ITGA4: variants seen among roughly 807,000 people sequenced by gnomAD.
ITGA4 encodes the protein integrin alpha-4.
In ITGA4, 63 loss-of-function variants were observed where a neutral mutation model predicts 133.6. The observed-to-expected ratio is 0.47, with a 90% CI of 0.38 to 0.58. The LOEUF is 0.58. ITGA4 is among the 20% of genes least tolerant of loss of function. The probability of loss-of-function intolerance (pLI) is 0.00; values close to 1 mark genes in which losing one functional copy is unlikely to be tolerated. For synonymous variants in ITGA4, 483 were observed against 438.0 expected (o/e 1.10, Z -1.28); for missense variants, 1,076 against 1,252.7 (o/e 0.86, Z 2.13).
At position 181,457,676 on chromosome 2, in the gene ITGA4, G is replaced by C; in HGVS notation, c.22G>C (p.Glu8Gln). MAWEARR[E>Q]PGPRRAAVRE... ...GCGCATGGCTTGGGAAGCGAGGCGC[G>C]AACCCGGCCCCCGAAGGGCCGCCGT... Residue 8 changes from glutamate to glutamine, a missense_variant, in exon 1 of 28, where the codon GAA (glutamate) becomes CAA (glutamine). Transcript: ENST00000397033. The C allele has an allele frequency of 6.2e-7, 1 of 1,610,636 alleles. No individual in the cohort carries two copies. The highest frequency in any genetic ancestry group is 8.5e-7 in the Non-Finnish European group (1 of 1,179,332).
At chr2:181,496,360 G>C (rs1392921373) in intron 14 of ITGA4, among the ~76,000 whole-genome samples, 1 of 152,056 alleles carries the variant, frequency 6.6e-6, no homozygotes, top group Admixed American at 6.5e-5. Flanking sequence ...AGGAGGTCCA[G>C]GCTACAGCAA....
Position 181,475,504 on chromosome 2 carries a change from ACT to A in ITGA4, c.556+219_556+220del, listed in dbSNP as rs1685655003. On this transcript the variant is annotated intron_variant, in intron 4 of 27. Coordinates refer to ENST00000397033, the MANE Select transcript of ITGA4 (RefSeq NM_000885.6). ...CTATAAAAATTCTACAATTTGAATA[ACT>A]CTGAAATCTAGCTCTTTAACTACCC... Among the ~76,000 whole-genome samples, 5 of 152,250 alleles carry A rather than the reference ACT, an allele frequency of 3.3e-5. No homozygotes were observed. The South Asian group carries it at 8.3e-4, about 25-fold the overall frequency.
In ITGA4 at chr2:181,498,627, G is replaced by C. The variant is rs758995083; in HGVS notation, c.1545G>C (p.Leu515Phe). ...KGKEVPGYIV[L>F]FYNMSLDVNR... is the part of the protein sequence containing the mutation. ...CAATTCTCTATATTTTTGCAGTTTT[G>C]TTTTATAACATGAGTTTGGATGTGA... The change falls in exon 15 of 28, where the codon TTG becomes TTC. Residue 515 changes from leucine to phenylalanine, a missense_variant. Leu to Phe is a conservative substitution (Grantham distance 22). This residue lies in a region of ITGA4 where 436 missense variants were observed against 590.7 expected (regional missense o/e 0.74). Transcript: ENST00000397033. 2.5e-6 allele frequency: 4 copies of C among 1,595,742 alleles called. No individual in the cohort carries two copies. The African/African-American group carries it at 5.4e-5, about 22-fold the overall frequency.
rs1356718456 is a variant in ITGA4 at position 181,485,964 on chromosome 2, T to G, written c.1125T>G (p.Leu375=). The change falls in exon 10 of 28, where the codon CTT becomes CTG. Residue 375 remains leucine, a synonymous_variant. Coordinates refer to ENST00000397033, the MANE Select transcript of ITGA4 (RefSeq NM_000885.6). ...GATTTGGGGAATCTATAGTTAATCT[T>G]GGCGACATTGACAATGATGGCTTTG... The part of the protein sequence containing the change: ...AARFGESIVN[L]GDIDNDGFED... 3 of 1,599,166 alleles carry G rather than the reference T, an allele frequency of 1.9e-6. No individual in the cohort carries two copies. The highest frequency in any genetic ancestry group is 1.7e-6 in the Non-Finnish European group (2 of 1,176,496).
At position 181,473,092 on chromosome 2, in the gene ITGA4, A is replaced by C. The variant is rs534364692; in HGVS notation, c.320-1868A>C. 3.3e-5 allele frequency among the ~76,000 whole-genome samples: 5 copies of C among 152,326 alleles called. No homozygotes were observed. The South Asian group carries it at 8.3e-4, about 25-fold the overall frequency. ...TGCTGTCGAGAAAAACATTCTCTGC[A>C]TTTCACAGTAACAGTGTTCCTGACC... On this transcript the variant is annotated intron_variant, in intron 2 of 27. Coordinates refer to ENST00000397033, the MANE Select transcript of ITGA4 (RefSeq NM_000885.6).
At chr2:181,470,389 G>T (rs1685518821) in intron 2 of ITGA4, among the ~76,000 whole-genome samples, 2 of 151,962 alleles carry the variant, frequency 1.3e-5, no homozygotes, top group Non-Finnish European at 2.9e-5. Context: ...CCAAATATTG[G>T]ACACCCCTGA....
intron 2 of ITGA4, 138 bp downstream of exon 2, chr2:181,458,455 T>C: frequency 1.1e-6 from 1 of 929,792 alleles, no homozygotes; most frequent in Non-Finnish European, 1.7e-6. Flanking sequence ...TTCAACTCCA[T>C]CTCATCTTGC....
At chr2:181,482,315 A>T in intron 7 of ITGA4, 45 bp from the exon 8 acceptor site, 1 of 1,533,342 alleles carries the variant, frequency 6.5e-7, no homozygotes, top group Non-Finnish European at 8.8e-7. Context: ...GTGTTTTAAA[A>T]AATGTTATTC....
At chr2:181,458,083 C>A in intron 1 of ITGA4, 113 bp from the exon 2 acceptor site, 1 of 1,413,528 alleles carries the variant, frequency 7.1e-7, no homozygotes, top group Non-Finnish European at 9.8e-7. Flanking sequence ...GGGTGGTGGG[C>A]GGAGGAGGAG....
Position 181,474,988 on chromosome 2 carries a change from G to T in ITGA4, c.348G>T (p.Lys116Asn). The T allele has an allele frequency of 6.2e-7, 1 of 1,614,034 alleles. No homozygotes were observed. Among genetic ancestry groups the T allele is most frequent in the East Asian group, 2.2e-5 (1 of 44,876 alleles). ...GCCCTAATGGAGAACCTTGTGGAAA[G>T]ACTTGTTTGGAAGAGAGAGACAATC... ...LGSPNGEPCG[K>N]TCLEERDNQW... is the part of the protein sequence containing the mutation. Residue 116 changes from lysine (K) to asparagine (N), a missense_variant, in exon 3 of 28, where the codon AAG becomes AAT. By Grantham distance (94) the Lys-to-Asn change is moderately conservative. Transcript: ENST00000397033.
chr2:181,525,528 G>T (rs985820456), intron 21 of ITGA4, among the ~76,000 whole-genome samples: 1 of 152,108 alleles, frequency 6.6e-6, no homozygotes, highest in Non-Finnish European at 1.5e-5. Flanking sequence ...ATTTCTTACT[G>T]TGAGAGCCCC....
intron 19 of ITGA4, 45 bp from the exon 20 acceptor site, chr2:181,524,126 A>G: frequency 8.0e-7 from 1 of 1,244,918 alleles, no homozygotes; most frequent in Non-Finnish European, 1.1e-6. Context: ...TAAAAAATGT[A>G]CTTAAGATTT....
At position 181,457,480 on chromosome 2, in the gene ITGA4, C is replaced by T. The variant is rs933564539; in HGVS notation, c.-175C>T. 1.8e-5 allele frequency: 11 copies of T among 617,100 alleles called. No homozygotes were observed. The highest frequency in any genetic ancestry group is 1.2e-4 in the African/African-American group (6 of 51,208). The allele number at this position is 617,100 out of a possible 1,614,324, so 38.2% of individuals were successfully genotyped here. A position where few individuals can be genotyped will look rare whatever the true frequency, so the allele number is the denominator to read the frequency against. ...GCATCCCAGGCCGGCCCGAACGCTCCGCCCGCGGTGGGCCGACTTCCCCTC... is the reference window on the plus strand; with the variant it reads ...GCATCCCAGGCCGGCCCGAACGCTCTGCCCGCGGTGGGCCGACTTCCCCTC... On this transcript the variant is annotated 5_prime_UTR_variant, in exon 1 of 28. Transcript: ENST00000397033.
chr2:181,537,785 A>G lies in ITGA4; in HGVS notation c.*2258A>G, dbSNP rs1161423423. Reference sequence around the variant, plus strand: ...ATATCTAAAAACAGAATTTGAATTGATATTTCATCTTGACTTTTAAAGCCC... The same window carrying G: ...ATATCTAAAAACAGAATTTGAATTGGTATTTCATCTTGACTTTTAAAGCCC... On this transcript the variant is annotated 3_prime_UTR_variant, in exon 28 of 28. Transcript: ENST00000397033. The G allele has an allele frequency of 4.4e-6, 2 of 457,636 alleles. No individual in the cohort carries two copies. Among genetic ancestry groups the G allele is most frequent in the South Asian group, 1.6e-5 (1 of 63,330 alleles). The allele number at this position is 457,636 out of a possible 1,614,324, so 28.3% of individuals were successfully genotyped here. A position where few individuals can be genotyped will look rare whatever the true frequency, so the allele number is the denominator to read the frequency against.
rs1424678076 is a variant in ITGA4 at position 181,535,530 on chromosome 2, ACTT to A, written c.*7_*9del. ...ACAGTAAAAGCAATGATGATTAAGG[ACTT>A]CTTTCAAATTGAGAGAATGGAAAAC... is the stretch of plus-strand genomic sequence containing the variant. On this transcript the variant is annotated 3_prime_UTR_variant, in exon 28 of 28. Coordinates refer to ENST00000397033, the MANE Select transcript of ITGA4 (RefSeq NM_000885.6). 1 of 1,598,126 alleles carries A rather than the reference ACTT, an allele frequency of 6.3e-7. No homozygotes were observed. The highest frequency in any genetic ancestry group is 2.2e-5 in the East Asian group (1 of 44,592).
intron 10 of ITGA4, chr2:181,486,278 C>T (rs960590373): frequency 3.6e-6 from 1 of 278,218 alleles, no homozygotes; most frequent in Non-Finnish European, 6.7e-6. Flanking sequence ...CTAAAAGCTA[C>T]CTATTAAGCT....
chr2:181,531,239 T>C (rs1034169132), intron 24 of ITGA4, among the ~76,000 whole-genome samples: 1 of 152,194 alleles, frequency 6.6e-6, no homozygotes, highest in Non-Finnish European at 1.5e-5. Flanking sequence ...TGGGCAGCCT[T>C]TGTGGCATGG....
At chr2:181,472,914 C>T (rs1015548474) in intron 2 of ITGA4, among the ~76,000 whole-genome samples, 2 of 152,174 alleles carry the variant, frequency 1.3e-5, no homozygotes, top group Non-Finnish European at 2.9e-5. Context: ...AAGGTTTGGG[C>T]CACAGCAAGA....
chr2:181,470,927 A>G (rs892219947), intron 2 of ITGA4, among the ~76,000 whole-genome samples: 1 of 152,110 alleles, frequency 6.6e-6, no homozygotes, highest in African/African-American at 2.4e-5. Flanking sequence ...AACCCAGAAC[A>G]CTAGGGGAAA....
Sources: gnomAD v4.1 joint callset for allele counts (sites outside exome capture counted in the v4.1 genomes callset) on GRCh38, gnomAD v4.1.1 for gene constraint, gnomAD v4.1.1 regional missense constraint, MANE v1.5 for transcripts, NCBI Gene and HGNC (gene_info 2026-07-23, HGNC 2026-07-21) for gene names.